PTPN13: variants seen among roughly 807,000 people sequenced by gnomAD.
PTPN13 encodes protein tyrosine phosphatase non-receptor type 13, also known as tyrosine-protein phosphatase non-receptor type 13.
Under a neutral mutation model 284.0 loss-of-function variants are expected in PTPN13, and 191 were observed. That is an observed-to-expected ratio of 0.67 (90% CI 0.60 to 0.76). The LOEUF is 0.76. Among genes scored for constraint, PTPN13 ranks in the 30% least tolerant of loss-of-function variants. PTPN13 has a pLI of 0.00. For synonymous variants in PTPN13, 986 were observed against 1,022.3 expected, an observed-to-expected ratio of 0.96 and a Z score of 0.68; for missense variants, 2,797 against 2,939.9, an observed-to-expected ratio of 0.95 and a Z score of 1.12.
intron 2 of PTPN13, among the ~76,000 whole-genome samples, chr4:86,637,366 G>A (rs1373100607): frequency 6.6e-6 from 1 of 152,070 alleles, no homozygotes; most frequent in African/African-American, 2.4e-5. Flanking sequence ...GCCGGGAAGA[G>A]ACACAACCAA....
chr4:86,598,329 G>A (rs1764005813), intron 1 of PTPN13, among the ~76,000 whole-genome samples: 2 of 151,992 alleles, frequency 1.3e-5, no homozygotes, highest in Non-Finnish European at 2.9e-5. Flanking sequence ...ATTTTTAGTA[G>A]AGACGAGGTT....
chr4:86,807,962 CT>C, intron 45 of PTPN13, 65 bp downstream of exon 45: 1 of 1,367,966 alleles, frequency 7.3e-7, no homozygotes, highest in Non-Finnish European at 1.0e-6. Flanking sequence ...AGCCTGGACT[CT>C]TTCCGTGATT....
intron 7 of PTPN13, among the ~76,000 whole-genome samples, chr4:86,712,617 T>C (rs1732548981): frequency 6.6e-6 from 1 of 152,110 alleles, no homozygotes; most frequent in African/African-American, 2.4e-5. Flanking sequence ...AAAGTCTTTC[T>C]ACCCCTGGTA....
chr4:86,680,632 C>T (rs1028930403), intron 3 of PTPN13, among the ~76,000 whole-genome samples: 1 of 152,134 alleles, frequency 6.6e-6, no homozygotes, highest in Admixed American at 6.5e-5. Context: ...ATTAATACCC[C>T]TGATCATGAG....
intron 2 of PTPN13, among the ~76,000 whole-genome samples, chr4:86,664,871 C>G (rs185062647): frequency 6.6e-6 from 1 of 152,252 alleles, no homozygotes; most frequent in East Asian, 1.9e-4. Flanking sequence ...GCCAAGAAAT[C>G]AAGAGACCTG....
At chr4:86,639,341 G>T (rs1723462884) in intron 2 of PTPN13, among the ~76,000 whole-genome samples, 1 of 152,048 alleles carries the variant, frequency 6.6e-6, no homozygotes, top group South Asian at 2.1e-4. Context: ...ATACCCAAAG[G>T]ACTATAAATC....
intron 2 of PTPN13, among the ~76,000 whole-genome samples, chr4:86,639,825 A>T (rs1723551448): frequency 6.6e-6 from 1 of 150,760 alleles, no homozygotes; most frequent in Non-Finnish European, 1.5e-5. Flanking sequence ...AACTTAAAGT[A>T]TAAAAAAAAA....
chr4:86,737,240 A>G (rs1457788069), intron 15 of PTPN13, among the ~76,000 whole-genome samples: 1 of 151,526 alleles, frequency 6.6e-6, no homozygotes, highest in Non-Finnish European at 1.5e-5. Flanking sequence ...CCCATCTCAA[A>G]TAAAATAAAA....
chr4:86,692,938 G>C (rs1730180476), intron 5 of PTPN13, among the ~76,000 whole-genome samples: 1 of 151,924 alleles, frequency 6.6e-6, no homozygotes, highest in South Asian at 2.1e-4. Flanking sequence ...AAATTAGCTG[G>C]TGTGGTGGTA....
rs777124712 is a variant in PTPN13 at position 86,803,702 on chromosome 4, C to G, written c.6506-7C>G. On this transcript the variant is annotated splice_polypyrimidine_tract_variant and splice_region_variant and intron_variant, in intron 42 of 47. Coordinates refer to ENST00000411767, the MANE Select transcript of PTPN13 (RefSeq NM_080683.3). ...GAACTGTTTTTAAATTGCTGTCTTC[C>G]TATTAGATCATTCCTTTCTGACAAA... 5.6e-6 allele frequency: 9 copies of G among 1,612,970 alleles called. No individual in the cohort carries two copies. The East Asian group carries it at 1.8e-4, about 32-fold the overall frequency.
At chr4:86,729,704 T>C (rs1196678487) in intron 10 of PTPN13, among the ~76,000 whole-genome samples, 1 of 149,670 alleles carries the variant, frequency 6.7e-6, no homozygotes, top group Non-Finnish European at 1.5e-5. Context: ...TCATTTAAGG[T>C]CTTCTCTACA....
intron 15 of PTPN13, among the ~76,000 whole-genome samples, chr4:86,741,353 G>T (rs1302927973): frequency 6.6e-6 from 1 of 152,186 alleles, no homozygotes; most frequent in Non-Finnish European, 1.5e-5. Flanking sequence ...AAGGTGAAAG[G>T]CATGTCTCAC....
chr4:86,764,906 A>G (rs534518070), intron 25 of PTPN13, among the ~76,000 whole-genome samples, 182 bp downstream of exon 25: 2 of 152,312 alleles, frequency 1.3e-5, no homozygotes, highest in African/African-American at 4.8e-5. Flanking sequence ...TTTTCCTGTG[A>G]TTTTAAAAAA....
chr4:86,697,071 G>A (rs980371106), intron 6 of PTPN13, among the ~76,000 whole-genome samples: 4 of 151,902 alleles, frequency 2.6e-5, no homozygotes, highest in Non-Finnish European at 4.4e-5. Flanking sequence ...CAACTGCATA[G>A]ACTAATTTTA....
chr4:86,595,687 GA>G, intron 1 of PTPN13: 1 of 954,264 alleles, frequency 1.0e-6, no homozygotes, highest in Non-Finnish European at 1.2e-6. Flanking sequence ...GAGCTGCCTG[GA>G]GCTGAGCTCC....
intron 2 of PTPN13, among the ~76,000 whole-genome samples, chr4:86,659,116 A>C (rs1237795051): frequency 1.3e-5 from 2 of 152,186 alleles, no homozygotes; most frequent in Non-Finnish European, 2.9e-5. Flanking sequence ...AACATTGTCT[A>C]ATAGAAATAT....
At chr4:86,600,027 T>C (rs1214770535) in intron 1 of PTPN13, among the ~76,000 whole-genome samples, 4 of 152,194 alleles carry the variant, frequency 2.6e-5, no homozygotes, top group Non-Finnish European at 4.4e-5. Flanking sequence ...CCTTTTTCTT[T>C]TGCATACAGA....
At chr4:86,662,845 C>T (rs1023072389) in intron 2 of PTPN13, among the ~76,000 whole-genome samples, 2 of 152,066 alleles carry the variant, frequency 1.3e-5, no homozygotes, top group African/African-American at 2.4e-5. Flanking sequence ...AGGTGCTCAC[C>T]TCATACGTTA....
At chr4:86,603,879 T>G (rs920112927) in intron 1 of PTPN13, among the ~76,000 whole-genome samples, 2 of 152,092 alleles carry the variant, frequency 1.3e-5, no homozygotes, top group African/African-American at 2.4e-5. Context: ...TCATGGCCAT[T>G]AAGATCATTT....
Sources: gnomAD v4.1 joint callset for allele counts (sites outside exome capture counted in the v4.1 genomes callset) on GRCh38, gnomAD v4.1.1 for gene constraint, MANE v1.5 for transcripts, NCBI Gene and HGNC (gene_info 2026-07-23, HGNC 2026-07-21) for gene names.